Variants in SLC36A1 observed in about 807,000 individuals in gnomAD.
SLC36A1 encodes the protein solute carrier family 36 member 1.
In SLC36A1, 30 loss-of-function variants were observed where a neutral mutation model predicts 47.5. The observed-to-expected ratio is 0.63, with a 90% confidence interval of 0.47 to 0.86. SLC36A1 has a LOEUF of 0.86. SLC36A1 is among the 40% of genes least tolerant of loss of function. The pLI is 0.00. For missense variants in SLC36A1, 517 were observed against 606.0 expected (o/e 0.85, Z 1.54); for synonymous variants, 255 against 249.7 (o/e 1.02, Z -0.20).
intron 1 of SLC36A1, among the ~76,000 whole-genome samples, chr5:151,458,299 C>T (rs1334697085): frequency 1.1e-5 from 1 of 94,388 alleles, no homozygotes; most frequent in Non-Finnish European, 2.0e-5. Flanking sequence ...TATATACATA[C>T]ACGTGTATAT....
the SLC36A1 span, among the ~76,000 whole-genome samples, chr5:151,346,891 G>A: frequency 3.3e-5 from 5 of 152,164 alleles, no homozygotes; most frequent in African/African-American, 4.8e-5. Context: ...GGTCAGTGAG[G>A]CCACTGTGGT....
the SLC36A1 span, among the ~76,000 whole-genome samples, chr5:151,499,117 T>C: frequency 6.6e-6 from 1 of 152,254 alleles, no homozygotes; most frequent in East Asian, 1.9e-4. Context: ...CATCACTATA[T>C]TGTCAGCTTT....
the SLC36A1 span, chr5:151,540,729 T>G: frequency 1.9e-6 from 3 of 1,614,004 alleles, no homozygotes; most frequent in African/African-American, 4.0e-5. Flanking sequence ...CATCTCCAAC[T>G]TGGCTGATGC....
chr5:151,358,531 G>A, the SLC36A1 span, among the ~76,000 whole-genome samples: 1 of 152,114 alleles, frequency 6.6e-6, no homozygotes, highest in Non-Finnish European at 1.5e-5. Flanking sequence ...TAGGATTACA[G>A]GTTTAGTTTA....
the SLC36A1 span, among the ~76,000 whole-genome samples, chr5:151,358,993 A>C: frequency 6.6e-6 from 1 of 151,240 alleles, no homozygotes; most frequent in Non-Finnish European, 1.5e-5. Flanking sequence ...AAAAAAAAAA[A>C]AAAAAAAAAA....
chr5:151,507,757 T>C, the SLC36A1 span: 2 of 677,624 alleles, frequency 3.0e-6, no homozygotes, highest in Non-Finnish European at 4.9e-6. Flanking sequence ...CTATCAAGCA[T>C]ATCAACATCA....
chr5:151,488,338 G>A lies in SLC36A1; in HGVS notation c.*84G>A. 1 of 1,510,054 alleles carries A rather than the reference G, an allele frequency of 6.6e-7. No individual in the cohort carries two copies. Among genetic ancestry groups the A allele is most frequent in the Non-Finnish European group, 8.9e-7 (1 of 1,120,160 alleles). The allele number at this position is 1,510,054 out of a possible 1,614,324, so 93.5% of individuals were successfully genotyped here. The stretch of plus-strand genomic sequence containing the variant: ...TCCTCAGAGCCTCAGGTATGGTCCA[G>A]GCTCTGAGGAAAGTCAGGGTTGCTG... On this transcript the variant is annotated 3_prime_UTR_variant, in exon 11 of 11. Transcript: ENST00000243389.
the SLC36A1 span, among the ~76,000 whole-genome samples, chr5:151,407,580 A>G: frequency 6.6e-6 from 1 of 151,994 alleles, no homozygotes; most frequent in South Asian, 2.1e-4. Flanking sequence ...ACAATCTTTT[A>G]GCTAGACAGA....
chr5:151,360,110 A>G, the SLC36A1 span, among the ~76,000 whole-genome samples: 1 of 152,190 alleles, frequency 6.6e-6, no homozygotes, highest in Non-Finnish European at 1.5e-5. Context: ...TATTTTTATT[A>G]AAGCTTTTTT....
the SLC36A1 span, among the ~76,000 whole-genome samples, chr5:151,405,536 T>C: frequency 5.0e-4 from 76 of 152,126 alleles, 1 homozygote; most frequent in Non-Finnish European, 1.1e-3. Flanking sequence ...CATTCAGCTT[T>C]CTTGCCGTTC....
At chr5:151,543,693 G>A in the SLC36A1 span, 1 of 1,614,188 alleles carries the variant, frequency 6.2e-7, no homozygotes, top group African/African-American at 1.3e-5. Context: ...GGAACTCTGG[G>A]CTGTACTTGT....
the SLC36A1 span, chr5:151,510,061 C>CT: frequency 6.2e-7 from 1 of 1,614,130 alleles, no homozygotes; most frequent in Middle Eastern, 1.7e-4. Flanking sequence ...CAGGAAGCTC[C>CT]TTTGGGGGAG....
chr5:151,521,343 C>T, the SLC36A1 span: 23 of 1,614,016 alleles, frequency 1.4e-5, no homozygotes, highest in Admixed American at 5.0e-5. Flanking sequence ...CGGTGCTGTA[C>T]GTGGGCCCAA....
At chr5:151,449,767 G>A (rs549427895) in intron 1 of SLC36A1, among the ~76,000 whole-genome samples, 11 of 152,190 alleles carry the variant, frequency 7.2e-5, no homozygotes, top group Admixed American at 6.5e-4. Context: ...GTCACTGGAG[G>A]TAATCGTCTC....
At chr5:151,545,168 G>T in the SLC36A1 span, 1 of 1,614,190 alleles carries the variant, frequency 6.2e-7, no homozygotes, top group Admixed American at 1.7e-5. Context: ...AGAATCACCA[G>T]TGCCTTTCTG....
At position 151,492,180 on chromosome 5, in the gene SLC36A1, A is replaced by C. The variant is rs775861385; in HGVS notation, c.*3926A>C. On this transcript the variant is annotated 3_prime_UTR_variant, in exon 11 of 11. Coordinates refer to ENST00000243389, the MANE Select transcript of SLC36A1 (RefSeq NM_078483.4). ...TGTAAAACATGTCAATGGTGTGTGAAGAAAAATCAACCAATCTGTAGGTGT... is the reference window on the plus strand; with the variant it reads ...TGTAAAACATGTCAATGGTGTGTGACGAAAAATCAACCAATCTGTAGGTGT... 6.6e-6 allele frequency: 1 copy of C among 152,202 alleles called. No individual in the cohort carries two copies. The highest frequency in any genetic ancestry group is 1.5e-5 in the Non-Finnish European group (1 of 68,042). 9.4% of individuals were successfully genotyped at this position (152,202 alleles called of 1,614,324 possible). A position where few individuals can be genotyped will look rare whatever the true frequency, so the allele number is the denominator to read the frequency against.
At chr5:151,487,323 G>T (rs1581229510) in intron 10 of SLC36A1, among the ~76,000 whole-genome samples, 1 of 152,210 alleles carries the variant, frequency 6.6e-6, no homozygotes, top group Admixed American at 6.5e-5. Context: ...GTGCACCATT[G>T]GTCTTCGTCA....
chr5:151,476,893 G>T (rs1364224299), intron 9 of SLC36A1, 137 bp downstream of exon 9: 3 of 1,065,056 alleles, frequency 2.8e-6, no homozygotes, highest in Non-Finnish European at 4.2e-6. Context: ...GCCACTGCCA[G>T]CCCTCACTGG....
intron 9 of SLC36A1, 114 bp from the exon 10 acceptor site, chr5:151,479,205 TG>T: frequency 8.9e-7 from 1 of 1,119,320 alleles, no homozygotes; most frequent in Non-Finnish European, 1.3e-6. Flanking sequence ...GAAGGACATG[TG>T]GGTTTGTATC....
Sources: allele counts gnomAD v4.1 joint callset (sites outside exome capture counted in the v4.1 genomes callset), GRCh38; gene constraint gnomAD v4.1.1; transcripts MANE v1.5; gene names NCBI Gene and HGNC (gene_info 2026-07-23, HGNC 2026-07-21).